Variants in XRCC4 observed in about 807,000 individuals in gnomAD.
The protein encoded by XRCC4 is X-ray repair cross complementing 4.
A neutral mutation model predicts 39.1 loss-of-function variants in XRCC4; 28 were observed. The ratio of observed to expected loss-of-function variants is 0.72; its 90% CI spans 0.53 to 0.98. The LOEUF is 0.98. Among genes scored for constraint, XRCC4 ranks in the 50% least tolerant of loss-of-function variants. The pLI is 0.00. For synonymous variants in XRCC4, 123 were observed against 126.4 expected (o/e 0.97, Z 0.18); for missense variants, 350 against 376.4 (o/e 0.93, Z 0.58).
intron 1 of XRCC4, among the ~76,000 whole-genome samples, chr5:83,090,013 G>A (rs901943441): frequency 1.2e-4 from 19 of 152,280 alleles, no homozygotes; most frequent in African/African-American, 4.6e-4. Context: ...GCACCATGAT[G>A]TGTTCACCAA....
At chr5:83,287,305 C>T (rs75217490) in intron 7 of XRCC4, among the ~76,000 whole-genome samples, 5 of 151,992 alleles carry the variant, frequency 3.3e-5, no homozygotes, top group African/African-American at 7.2e-5. Flanking sequence ...AATCATTGGC[C>T]GAAGCTTAGC....
At chr5:83,208,149 A>G (rs1419309496) in intron 6 of XRCC4, among the ~76,000 whole-genome samples, 1 of 152,022 alleles carries the variant, frequency 6.6e-6, no homozygotes, top group Non-Finnish European at 1.5e-5. Context: ...TTTCTTGATG[A>G]TAAAATAGAG....
intron 3 of XRCC4, among the ~76,000 whole-genome samples, chr5:83,194,763 A>G (rs929191665): frequency 6.6e-5 from 10 of 152,096 alleles, no homozygotes; most frequent in African/African-American, 2.4e-4. Flanking sequence ...TTCTTCCCCT[A>G]CTTTTTGTCT....
At chr5:83,241,755 A>G (rs139381202) in intron 6 of XRCC4, among the ~76,000 whole-genome samples, 242 of 152,334 alleles carry the variant, frequency 1.6e-3, no homozygotes, top group African/African-American at 5.4e-3. Context: ...CAGTCATTTA[A>G]CACATATTTT....
intron 3 of XRCC4, among the ~76,000 whole-genome samples, chr5:83,171,158 C>T (rs1203240699): frequency 1.3e-5 from 2 of 152,106 alleles, no homozygotes; most frequent in Non-Finnish European, 2.9e-5. Flanking sequence ...TCTCAACTTA[C>T]ATGAATGCCT....
At chr5:83,300,211 A>G (rs1311737431) in intron 7 of XRCC4, among the ~76,000 whole-genome samples, 1 of 152,128 alleles carries the variant, frequency 6.6e-6, no homozygotes, top group African/African-American at 2.4e-5. Context: ...ATGGTCTCCT[A>G]TTAGACTCTC....
At chr5:83,227,747 C>G (rs1170345342) in intron 6 of XRCC4, among the ~76,000 whole-genome samples, 2 of 152,062 alleles carry the variant, frequency 1.3e-5, no homozygotes, top group African/African-American at 4.8e-5. Flanking sequence ...ATCATGCACT[C>G]AAGTTCTTTT....
At chr5:83,323,247 T>C (rs1328135061) in intron 7 of XRCC4, among the ~76,000 whole-genome samples, 1 of 152,134 alleles carries the variant, frequency 6.6e-6, no homozygotes, top group African/African-American at 2.4e-5. Flanking sequence ...CAGGAAATAA[T>C]TAGCCCTAAA....
chr5:83,171,442 T>C (rs1749718224), intron 3 of XRCC4, among the ~76,000 whole-genome samples: 1 of 152,126 alleles, frequency 6.6e-6, no homozygotes, highest in African/African-American at 2.4e-5. Flanking sequence ...AGAAAACATT[T>C]TAAATGAACT....
chr5:83,234,269 G>A (rs1049484419), intron 6 of XRCC4, among the ~76,000 whole-genome samples: 1 of 152,076 alleles, frequency 6.6e-6, no homozygotes, highest in Non-Finnish European at 1.5e-5. Context: ...ATTGCCATCC[G>A]AATAATTTTG....
chr5:83,210,347 G>T (rs1751593766), intron 6 of XRCC4, among the ~76,000 whole-genome samples: 1 of 152,130 alleles, frequency 6.6e-6, no homozygotes, highest in Non-Finnish European at 1.5e-5. Flanking sequence ...AGAAATTTAA[G>T]TGTATTTCCT....
chr5:83,131,414 T>G (rs1747573644), intron 3 of XRCC4, among the ~76,000 whole-genome samples: 1 of 152,166 alleles, frequency 6.6e-6, no homozygotes, highest in South Asian at 2.1e-4. Flanking sequence ...CAGAGCTGAG[T>G]TCAATTCCTG....
chr5:83,221,493 T>C (rs1455913631), intron 6 of XRCC4, among the ~76,000 whole-genome samples: 5 of 152,152 alleles, frequency 3.3e-5, no homozygotes, highest in Non-Finnish European at 7.4e-5. Flanking sequence ...AACACTCTAA[T>C]TTATTAAAAT....
intron 4 of XRCC4, chr5:83,201,120 A>C (rs1398260706): frequency 6.6e-6 from 1 of 152,220 alleles, no homozygotes; most frequent in African/African-American, 2.4e-5. Flanking sequence ...CTATTAAATG[A>C]GGGAAAAAAT....
chr5:83,271,648 TATAAA>T (rs1754147675), intron 7 of XRCC4, among the ~76,000 whole-genome samples: 1 of 152,186 alleles, frequency 6.6e-6, no homozygotes, highest in Non-Finnish European at 1.5e-5. Context: ...AATTTACTAA[TATAAA>T]ATAGAGTCAT....
chr5:83,184,385 C>T (rs1158104683), intron 3 of XRCC4, among the ~76,000 whole-genome samples: 2 of 151,378 alleles, frequency 1.3e-5, no homozygotes, highest in Admixed American at 1.3e-4. Flanking sequence ...CATGCTATTT[C>T]ATCAAATAAA....
At chr5:83,216,061 A>G (rs1751846956) in intron 6 of XRCC4, among the ~76,000 whole-genome samples, 3 of 152,200 alleles carry the variant, frequency 2.0e-5, no homozygotes, top group Admixed American at 1.3e-4. Context: ...TGCAAATCAC[A>G]TATCTGATAA....
chr5:83,221,693 A>G (rs1359616883), intron 6 of XRCC4, among the ~76,000 whole-genome samples: 1 of 152,004 alleles, frequency 6.6e-6, no homozygotes. Flanking sequence ...GCAGGAGAAC[A>G]GTGATTTATG....
chr5:83,333,490 G>T (rs185697217), intron 7 of XRCC4, among the ~76,000 whole-genome samples: 42 of 152,258 alleles, frequency 2.8e-4, no homozygotes, highest in Admixed American at 2.7e-3. Context: ...GTAAGAAAGA[G>T]TTTGTCCTAT....
Sources: gnomAD v4.1 joint callset for allele counts (sites outside exome capture counted in the v4.1 genomes callset) on GRCh38, gnomAD v4.1.1 for gene constraint, MANE v1.5 for transcripts, NCBI Gene and HGNC (gene_info 2026-07-23, HGNC 2026-07-21) for gene names.